RBAK: variants seen among roughly 807,000 people sequenced by gnomAD.
The protein encoded by RBAK is RB-associated KRAB zinc finger protein.
In RBAK, 39 loss-of-function variants were observed where a neutral mutation model predicts 65.8. The ratio of observed to expected loss-of-function variants is 0.59; its 90% CI spans 0.46 to 0.77. The LOEUF (loss-of-function observed/expected upper bound fraction) is 0.77. Among genes scored for constraint, RBAK ranks in the 30% least tolerant of loss-of-function variants. The pLI, the probability that RBAK is intolerant of heterozygous loss-of-function variation, is 0.00. For missense variants in RBAK, 884 were observed against 855.1 expected (o/e 1.03, Z -0.42); for synonymous variants, 343 against 289.7 (o/e 1.18, Z -1.87).
At chr7:5,063,083 A>C (rs541586253) in intron 4 of RBAK, among the ~76,000 whole-genome samples, 1 of 152,234 alleles carries the variant, frequency 6.6e-6, no homozygotes, top group Non-Finnish European at 1.5e-5. Flanking sequence ...AGGAAATCAC[A>C]AGGGTATTGA....
In RBAK at chr7:5,048,023, C is replaced by G. The variant is rs1346801336; in HGVS notation, c.-44-10C>G. On this transcript the variant is annotated splice_polypyrimidine_tract_variant and intron_variant, in intron 1 of 4. Transcript: ENST00000396912. The surrounding 1 kb of genome is among the most constrained non-coding windows in gnomAD (Gnocchi z 4.4). ...CTCATGACTTCAGTGACCTGCTTCT[C>G]CCCCTCTAGGTCTACCAGCCACAGT... The G allele has an allele frequency of 2.1e-6, 3 of 1,459,464 alleles. No homozygotes were observed. The East Asian group carries it at 6.8e-5, about 33-fold the overall frequency. The allele number at this position is 1,459,464 out of a possible 1,614,324, so 90.4% of individuals were successfully genotyped here.
In RBAK at chr7:5,064,825, T is replaced by TATGAATGTA; in HGVS notation, c.1378_1386dup (p.Asn460_Cys462dup). On this transcript the variant is annotated inframe_insertion, in exon 5 of 5. Transcript: ENST00000396912. This position sits in a 1 kb window ranked among gnomAD's most constrained non-coding sequence, Gnocchi z 6.3. ...TAGAAGTCATTTAGAAGAGAAACCC[T>TATGAATGTA]ATGAATGTAATGAATGTGGCAAAAC... 1 of 1,614,118 alleles carries TATGAATGTA rather than the reference T, an allele frequency of 6.2e-7. No homozygotes were observed. The highest frequency in any genetic ancestry group is 8.5e-7 in the Non-Finnish European group (1 of 1,179,960).
chr7:5,057,476 G>A (rs1328068126), intron 3 of RBAK, 55 bp downstream of exon 3: 7 of 1,613,776 alleles, frequency 4.3e-6, no homozygotes, highest in Non-Finnish European at 5.9e-6. Context: ...TTATCCTTGA[G>A]TTTGAAGAAA....
rs1339743312 is a variant in RBAK, at chr7:5,063,970, T to C, written c.514T>C (p.Tyr172His). The C allele has an allele frequency of 5.6e-6, 9 of 1,613,842 alleles. No individual in the cohort carries two copies. Among genetic ancestry groups the C allele is most frequent in the Non-Finnish European group, 6.8e-6 (8 of 1,179,944 alleles). Residue 172 changes from tyrosine (Y) to histidine (H), a missense_variant, in exon 5 of 5, where the codon TAT (tyrosine) becomes CAT (histidine). By Grantham distance (83) the Tyr-to-His change is moderately conservative (BLOSUM62 2). Coordinates refer to ENST00000396912, the MANE Select transcript of RBAK (RefSeq NM_021163.4). ...TGAGTGTAATGAATGTGGGAAAACATATCATGGAGAGAAAATGTGTGAATT... is the reference window on the plus strand; with the variant it reads ...TGAGTGTAATGAATGTGGGAAAACACATCATGGAGAGAAAATGTGTGAATT... ...PDECNECGKT[Y>H]HGEKMCEFNQ...
chr7:5,063,764 C>T lies in RBAK; in HGVS notation c.308C>T (p.Ala103Val), dbSNP rs1255936339. 4 of 1,613,706 alleles carry T rather than the reference C, an allele frequency of 2.5e-6. No homozygotes were observed. The highest frequency in any genetic ancestry group is 8.5e-7 in the Non-Finnish European group (1 of 1,179,938). The stretch of plus-strand genomic sequence containing the variant: ...GAAGACAAACATTCAAGGCAAGCTG[C>T]TTGTATCAATAGCAAAACCCTGACT... ...ENEDKHSRQA[A>V]CINSKTLTEE... is the part of the protein sequence containing the mutation. Residue 103 changes from alanine to valine, a missense_variant, in exon 5 of 5, where the codon GCT becomes GTT. By Grantham distance (64) the Ala-to-Val change is moderately conservative. Transcript: ENST00000396912.
Position 5,063,783 on chromosome 7 carries a change from C to A in RBAK, c.327C>A (p.Thr109=). 6.2e-7 allele frequency: 1 copy of A among 1,613,842 alleles called. No homozygotes were observed. The highest frequency in any genetic ancestry group is 8.5e-7 in the Non-Finnish European group (1 of 1,179,938). Residue 109 remains threonine, a synonymous_variant, in exon 5 of 5, where the codon ACC becomes ACA. Transcript: ENST00000396912. The part of the protein sequence containing the change: ...SRQAACINSK[T]LTEEKENTFS... The stretch of plus-strand genomic sequence containing the variant: ...AAGCTGCTTGTATCAATAGCAAAAC[C>A]CTGACTGAAGAGAAAGAGAATACAT...
In RBAK at chr7:5,065,693, C is replaced by A; in HGVS notation, c.*92C>A. On this transcript the variant is annotated 3_prime_UTR_variant, in exon 5 of 5. Coordinates refer to ENST00000396912, the MANE Select transcript of RBAK (RefSeq NM_021163.4). This position sits in a 1 kb window ranked among gnomAD's most constrained non-coding sequence, Gnocchi z 5.3. ...AAGCGTTTATCTGAGAGTTCGTGTT[C>A]CTGAACGGTGAGAAGCATTTAGGCA... 1 of 959,630 alleles carries A rather than the reference C, an allele frequency of 1.0e-6. No individual in the cohort carries two copies. Among genetic ancestry groups the A allele is most frequent in the Non-Finnish European group, 1.5e-6 (1 of 687,566 alleles). The allele number at this position is 959,630 out of a possible 1,614,324, so 59.4% of individuals were successfully genotyped here.
Position 5,058,495 on chromosome 7 carries a change from T to C in RBAK, c.238+716T>C, listed in dbSNP as rs190971323. On this transcript the variant is annotated intron_variant, in intron 4 of 4. Coordinates refer to ENST00000396912, the MANE Select transcript of RBAK (RefSeq NM_021163.4). ...TTGCTTTAAAAATACCTTGGACTTA[T>C]TTTCTGCCCTCGATTTTATTTACTT... 3.2e-4 allele frequency among the ~76,000 whole-genome samples: 49 copies of C among 152,348 alleles called. No individual in the cohort carries two copies. In the East Asian group the frequency reaches 7.9e-3, roughly 25 times the overall value.
chr7:5,046,236 G>T lies in RBAK; in HGVS notation c.-205G>T, dbSNP rs1442017200. 2 of 511,136 alleles carry T rather than the reference G, an allele frequency of 3.9e-6. No homozygotes were observed. The highest frequency in any genetic ancestry group is 7.8e-6 in the Non-Finnish European group (2 of 257,410). The allele number at this position is 511,136 out of a possible 1,614,324, so 31.7% of individuals were successfully genotyped here. ...GATCTGGGTCCCGGGAAGGACACCC[G>T]CCTGGATTTGCCCCTTAGGCCCGGC... On this transcript the variant is annotated 5_prime_UTR_variant, in exon 1 of 5. Coordinates refer to ENST00000396912, the MANE Select transcript of RBAK (RefSeq NM_021163.4).
intron 2 of RBAK, among the ~76,000 whole-genome samples, chr7:5,055,502 C>T (rs6463238): frequency 0.59 from 89,651 of 151,814 alleles, 28,261 homozygotes; most frequent in African/African-American, 0.84. Flanking sequence ...GGTATCTTCA[C>T]GGATACAAGA....
intron 2 of RBAK, among the ~76,000 whole-genome samples, chr7:5,051,264 T>G (rs2115027886): frequency 6.6e-6 from 1 of 152,310 alleles, no homozygotes; most frequent in East Asian, 1.9e-4. Context: ...CCCAGCTACT[T>G]CCTTTTGTTC....
At position 5,065,005 on chromosome 7, in the gene RBAK, G is replaced by A; in HGVS notation, c.1549G>A (p.Gly517Arg). The change falls in exon 5 of 5, where the codon GGG becomes AGG. Residue 517 changes from glycine to arginine, a missense_variant. By Grantham distance (125) the Gly-to-Arg change is moderately radical (BLOSUM62 -2). Transcript: ENST00000396912. This position sits in a 1 kb window ranked among gnomAD's most constrained non-coding sequence, Gnocchi z 5.3. ...GAAACCCTATGAATGTAATGAATGT[G>A]GGAAAACCTTCCTTGTAAATTCAGC... ...EEKPYECNEC[G>R]KTFLVNSAFD... 1.9e-6 allele frequency: 3 copies of A among 1,614,016 alleles called. No homozygotes were observed. The highest frequency in any genetic ancestry group is 1.1e-5 in the South Asian group (1 of 91,054).
chr7:5,052,511 A>G (rs1788138052), intron 2 of RBAK, among the ~76,000 whole-genome samples: 1 of 152,130 alleles, frequency 6.6e-6, no homozygotes, highest in African/African-American at 2.4e-5. Flanking sequence ...TTGAGTTTTT[A>G]GCTATCACAC....
In RBAK at chr7:5,046,258, C is replaced by CGGCCCG. The variant is rs1478468164; in HGVS notation, c.-177_-172dup. ...CCCGCCTGGATTTGCCCCTTAGGCCCGGCCCGGGCCCCTCGGGAGCAGAAC... is the reference window on the plus strand; with the variant it reads ...CCCGCCTGGATTTGCCCCTTAGGCCCGGCCCGGGCCCGGGCCCCTCGGGAGCAGAAC... On this transcript the variant is annotated 5_prime_UTR_variant, in exon 1 of 5. Transcript: ENST00000396912. The CGGCCCG allele has an allele frequency of 1.9e-6, 1 of 515,310 alleles. No individual in the cohort carries two copies. 31.9% of individuals were successfully genotyped at this position (515,310 alleles called of 1,614,324 possible).
In RBAK at chr7:5,056,172, T is replaced by C. The variant is rs143497985; in HGVS notation, c.16-1123T>C. 7.3e-3 allele frequency among the ~76,000 whole-genome samples: 1,091 copies of C among 149,500 alleles called. 12 individuals carry two copies. Among genetic ancestry groups the C allele is most frequent in the African/African-American group, 0.025 (1,025 of 40,466 alleles). On this transcript the variant is annotated intron_variant, in intron 2 of 4. Coordinates refer to ENST00000396912, the MANE Select transcript of RBAK (RefSeq NM_021163.4). ...GCCTAGGCTGGAGTGCAGTGTTGCA[T>C]TCACAGCTCACTGCAGCCTTGACCT...
At chr7:5,059,883 G>A (rs765738047) in intron 4 of RBAK, among the ~76,000 whole-genome samples, 38 of 152,192 alleles carry the variant, frequency 2.5e-4, no homozygotes, top group Non-Finnish European at 4.6e-4. Context: ...TGCTCTGATA[G>A]GAGTGTATGC....
At chr7:5,057,239 G>T (rs527534830) in intron 2 of RBAK, 56 bp from the exon 3 acceptor site, 1 of 1,612,766 alleles carries the variant, frequency 6.2e-7, no homozygotes, top group East Asian at 2.2e-5. Flanking sequence ...TTTGTAAAAC[G>T]TTATCCCCCT....
At chr7:5,058,411 T>C (rs1778981775) in intron 4 of RBAK, among the ~76,000 whole-genome samples, 1 of 152,224 alleles carries the variant, frequency 6.6e-6, no homozygotes, top group Non-Finnish European at 1.5e-5. Context: ...AAGTCTGACA[T>C]AAAAATCAAC....
intron 4 of RBAK, among the ~76,000 whole-genome samples, chr7:5,061,491 A>G (rs34192393): frequency 0.14 from 19,267 of 139,258 alleles, 1,401 homozygotes; most frequent in South Asian, 0.23. Flanking sequence ...AGGGTTTTGC[A>G]TGTTGCCCAG....
Sources: allele counts gnomAD v4.1 joint callset (sites outside exome capture counted in the v4.1 genomes callset), GRCh38; gene constraint gnomAD v4.1.1; non-coding constraint Gnocchi (gnomAD v3.1); transcripts MANE v1.5; gene names NCBI Gene and HGNC (gene_info 2026-07-23, HGNC 2026-07-21).